Variants in TRIM49 observed in about 807,000 individuals in gnomAD.
TRIM49 encodes the protein tripartite motif containing 49.
A neutral mutation model predicts 27.4 loss-of-function variants in TRIM49; 5 were observed. The observed-to-expected ratio is 0.18, with a 90% confidence interval of 0.10 to 0.38. The LOEUF is 0.38. Among genes scored for constraint, TRIM49 ranks in the 10% least tolerant of loss-of-function variants. TRIM49 has a pLI of 1.00. For missense variants in TRIM49, 188 were observed against 487.5 expected (o/e 0.39, Z 5.79); for synonymous variants, 69 against 166.0 (o/e 0.42, Z 4.49).
chr11:89,766,864 A>C, the TRIM49 span: 3 of 1,144,206 alleles, frequency 2.6e-6, 1 homozygote, highest in South Asian at 3.8e-5. Flanking sequence ...CTTATCCAGG[A>C]GTCCTTACAG....
rs557580461 is a variant in TRIM49, at chr11:89,804,018, T to C, written c.411+41A>G. On this transcript the variant is annotated intron_variant, in intron 3 of 7. Coordinates refer to ENST00000329758, the MANE Select transcript of TRIM49 (RefSeq NM_020358.2). ...AGAAAATAGACCCACAGGAATTTTATGCTTCCTTTACAGAAATCGATCTTC... is the reference window on the plus strand; with the variant it reads ...AGAAAATAGACCCACAGGAATTTTACGCTTCCTTTACAGAAATCGATCTTC... The C allele has an allele frequency of 3.7e-6, 6 of 1,611,348 alleles. No individual in the cohort carries two copies. The African/African-American group carries it at 5.4e-5, about 14-fold the overall frequency.
chr11:89,805,482 A>G (rs1293217056), intron 2 of TRIM49, among the ~76,000 whole-genome samples: 1 of 151,588 alleles, frequency 6.6e-6, no homozygotes, highest in African/African-American at 2.4e-5. Context: ...AAAAGGCAGA[A>G]AAAAGGCAAC....
chr11:89,785,694 T>A, the TRIM49 span, among the ~76,000 whole-genome samples: 4 of 144,858 alleles, frequency 2.8e-5, no homozygotes, highest in Non-Finnish European at 4.5e-5. Flanking sequence ...TAAAATAAAT[T>A]GTGAGAATTT....
the TRIM49 span, among the ~76,000 whole-genome samples, chr11:89,790,919 GAGA>G: frequency 1.3e-5 from 2 of 152,238 alleles, no homozygotes; most frequent in East Asian, 3.9e-4. Flanking sequence ...GACAAGTTGA[GAGA>G]AGAAGTCTTC....
downstream of TRIM49, among the ~76,000 whole-genome samples, chr11:89,796,521 C>T (rs1004124732): frequency 7.8e-5 from 11 of 140,392 alleles, no homozygotes; most frequent in Non-Finnish European, 1.4e-4. Context: ...GAGGTGTGTG[C>T]CACCATGCCT....
At chr11:89,772,654 A>G in the TRIM49 span, among the ~76,000 whole-genome samples, 1 of 134,732 alleles carries the variant, frequency 7.4e-6, no homozygotes, top group Non-Finnish European at 1.5e-5. Context: ...CCATGTTGAA[A>G]TGATTAGATG....
the TRIM49 span, chr11:89,768,850 G>A: frequency 4.0e-6 from 2 of 504,678 alleles, no homozygotes; most frequent in Non-Finnish European, 7.9e-6. Flanking sequence ...GAGAGAGAGA[G>A]AGAGAGAGAG....
chr11:89,787,804 G>T, the TRIM49 span: 6 of 526,350 alleles, frequency 1.1e-5, no homozygotes, highest in South Asian at 1.2e-4. Flanking sequence ...CCAAGGTGCA[G>T]GAGAAGCGCC....
downstream of TRIM49, among the ~76,000 whole-genome samples, chr11:89,793,067 C>G (rs1234878285): frequency 6.6e-6 from 1 of 151,856 alleles, no homozygotes; most frequent in Admixed American, 6.6e-5. Flanking sequence ...GGGGATATCA[C>G]CACCGATCCC....
chr11:89,806,383 G>C lies in TRIM49; in HGVS notation c.-5+716C>G, dbSNP rs1331727191. Among the ~76,000 whole-genome samples, 6 of 148,240 alleles carry C rather than the reference G, an allele frequency of 4.0e-5. No individual in the cohort carries two copies. In the East Asian group the frequency reaches 1.2e-3, roughly 29 times the overall value. The stretch of plus-strand genomic sequence containing the variant: ...TATAAAAACTATAATCTTTGTTTTG[G>C]CAATTTTAAATCCTTTAGCATAAAG... On this transcript the variant is annotated intron_variant, in intron 2 of 7. Transcript: ENST00000329758.
At chr11:89,774,977 G>GC in the TRIM49 span, among the ~76,000 whole-genome samples, 1 of 147,668 alleles carries the variant, frequency 6.8e-6, no homozygotes, top group African/African-American at 2.6e-5. Flanking sequence ...GTACGCCAAA[G>GC]GAAATGTTAA....
chr11:89,798,304 GGAGGTGGTAAA>G lies in TRIM49; in HGVS notation c.1174_1184del (p.Phe392ProfsTer21), dbSNP rs1311467515. The G allele has an allele frequency of 6.3e-7, 1 of 1,574,930 alleles. No homozygotes were observed. Among genetic ancestry groups the G allele is most frequent in the African/African-American group, 1.5e-5 (1 of 66,094 alleles). On this transcript the variant is annotated frameshift_variant, in exon 8 of 8. Coordinates refer to ENST00000329758, the MANE Select transcript of TRIM49 (RefSeq NM_020358.2). LOFTEE classifies it low-confidence loss of function (END_TRUNC). ...TTGGGATATATTGCAGCATAAGTGGGGAGGTGGTAAAGAGACTGCATTGAATGTCATTCTTA... is the reference window on the plus strand; with the variant it reads ...TTGGGATATATTGCAGCATAAGTGGGGAGACTGCATTGAATGTCATTCTTA...
At chr11:89,807,726 G>A (rs1480830844) in intron 1 of TRIM49, among the ~76,000 whole-genome samples, 1 of 150,920 alleles carries the variant, frequency 6.6e-6, no homozygotes, top group Non-Finnish European at 1.5e-5. Context: ...GGTAAAGTCA[G>A]TGTATGACTC....
At chr11:89,767,735 ATG>A in the TRIM49 span, among the ~76,000 whole-genome samples, 2 of 133,064 alleles carry the variant, frequency 1.5e-5, no homozygotes, top group East Asian at 4.3e-4. Context: ...TAAGTTACTC[ATG>A]TATGCTTTAG....
At chr11:89,804,612 A>C in intron 2 of TRIM49, 139 bp from the exon 3 acceptor site, 1 of 1,188,096 alleles carries the variant, frequency 8.4e-7, no homozygotes, top group Non-Finnish European at 1.2e-6. Context: ...TTCTGTTACA[A>C]ACTTAAAAAT....
downstream of TRIM49, among the ~76,000 whole-genome samples, chr11:89,795,792 G>A (rs1170959825): frequency 4.0e-5 from 6 of 149,958 alleles, no homozygotes; most frequent in African/African-American, 1.5e-4. Context: ...TGTAAATGAG[G>A]AGTTAATGGG....
chr11:89,794,583 A>G (rs557367855), downstream of TRIM49, among the ~76,000 whole-genome samples: 3 of 150,370 alleles, frequency 2.0e-5, no homozygotes, highest in Admixed American at 2.0e-4. Context: ...AAATAATGCC[A>G]CATATCTACA....
the TRIM49 span, among the ~76,000 whole-genome samples, chr11:89,790,748 T>C: frequency 3.3e-5 from 5 of 151,760 alleles, no homozygotes; most frequent in African/African-American, 1.2e-4. Flanking sequence ...ACCCCATCTG[T>C]ACGTCACCAG....
At chr11:89,773,230 A>G in the TRIM49 span, among the ~76,000 whole-genome samples, 13 of 132,170 alleles carry the variant, frequency 9.8e-5, no homozygotes, top group African/African-American at 4.5e-4. Context: ...TGTGTAAATA[A>G]TTATTATATA....
Sources: allele counts gnomAD v4.1 joint callset (sites outside exome capture counted in the v4.1 genomes callset), GRCh38; gene constraint gnomAD v4.1.1; transcripts MANE v1.5; gene names NCBI Gene and HGNC (gene_info 2026-07-23, HGNC 2026-07-21).